Variants in TMPRSS5 observed in about 807,000 individuals in gnomAD.
TMPRSS5 encodes the protein transmembrane serine protease 5.
A neutral mutation model predicts 59.7 loss-of-function variants in TMPRSS5; 45 were observed. That is an observed-to-expected ratio of 0.75 (90% CI 0.59 to 0.97). The LOEUF (loss-of-function observed/expected upper bound fraction) is 0.97. Among genes scored for constraint, TMPRSS5 ranks in the 50% least tolerant of loss-of-function variants. The pLI, the probability that TMPRSS5 is intolerant of heterozygous loss-of-function variation, is 0.00. For missense variants in TMPRSS5, 585 were observed against 596.7 expected (o/e 0.98, Z 0.20); for synonymous variants, 225 against 232.0 (o/e 0.97, Z 0.27).
chr11:113,703,505 G>A (rs574181136), intron 1 of TMPRSS5, among the ~76,000 whole-genome samples: 127 of 152,296 alleles, frequency 8.3e-4, no homozygotes, highest in African/African-American at 3.0e-3. Flanking sequence ...AGACTTTGGG[G>A]GACTGTTGGA....
Position 113,698,886 on chromosome 11 carries a change from C to G in TMPRSS5, c.328+19G>C. ...CCCTGCTGGGGAGGGAGGCCCGTAG[C>G]CTTAGGGGTGCAGCCCACCTGTTTT... is the stretch of plus-strand genomic sequence containing the variant. On this transcript the variant is annotated intron_variant, in intron 4 of 12. Coordinates refer to ENST00000299882, the MANE Select transcript of TMPRSS5 (RefSeq NM_030770.4). 1.3e-6 allele frequency: 2 copies of G among 1,576,958 alleles called. No individual in the cohort carries two copies. The highest frequency in any genetic ancestry group is 1.7e-6 in the Non-Finnish European group (2 of 1,161,386).
chr11:113,704,109 G>A (rs907158830), intron 1 of TMPRSS5, among the ~76,000 whole-genome samples: 15 of 152,146 alleles, frequency 9.9e-5, no homozygotes, highest in African/African-American at 3.6e-4. Flanking sequence ...GATTGAATCA[G>A]CAAAGGCAAA....
At position 113,688,246 on chromosome 11, in the gene TMPRSS5, G is replaced by A; in HGVS notation, c.*14C>T. 1.9e-6 allele frequency: 3 copies of A among 1,579,068 alleles called. No homozygotes were observed. The highest frequency in any genetic ancestry group is 2.6e-6 in the Non-Finnish European group (3 of 1,162,520). On this transcript the variant is annotated 3_prime_UTR_variant, in exon 13 of 13. Transcript: ENST00000299882. ...GGCAGTGGTGTGCAGTGAGACTGGAGGAAACAGCAGGACTCAGAGGAGGGA... is the reference window on the plus strand; with the variant it reads ...GGCAGTGGTGTGCAGTGAGACTGGAAGAAACAGCAGGACTCAGAGGAGGGA...
At chr11:113,691,110 G>A in intron 9 of TMPRSS5, 171 bp from the exon 10 acceptor site, 1 of 612,860 alleles carries the variant, frequency 1.6e-6, no homozygotes, top group South Asian at 2.1e-5. Flanking sequence ...GTGGGGCACT[G>A]TCCCATCTTT....
intron 1 of TMPRSS5, among the ~76,000 whole-genome samples, chr11:113,704,068 A>G (rs1404190414): frequency 6.6e-6 from 1 of 152,216 alleles, no homozygotes; most frequent in Non-Finnish European, 1.5e-5. Flanking sequence ...TTGAGCTGAT[A>G]TAATGGGCAT....
chr11:113,695,030 C>T (rs543132088), intron 7 of TMPRSS5, among the ~76,000 whole-genome samples: 1 of 152,010 alleles, frequency 6.6e-6, no homozygotes, highest in East Asian at 1.9e-4. Flanking sequence ...GTACCTGATT[C>T]ACCACCTGCC....
chr11:113,692,567 G>C (rs1005010574), intron 9 of TMPRSS5, among the ~76,000 whole-genome samples: 2 of 152,160 alleles, frequency 1.3e-5, no homozygotes, highest in Non-Finnish European at 2.9e-5. Flanking sequence ...GAGGAGCCCT[G>C]GCATCAGGCT....
intron 1 of TMPRSS5, among the ~76,000 whole-genome samples, chr11:113,704,590 C>T (rs1299874089): frequency 6.6e-6 from 1 of 152,162 alleles, no homozygotes; most frequent in Non-Finnish European, 1.5e-5. Context: ...CACTGACATA[C>T]GTGCCATACT....
intron 9 of TMPRSS5, 61 bp from the exon 10 acceptor site, chr11:113,691,000 T>G: frequency 6.8e-7 from 1 of 1,479,398 alleles, no homozygotes; most frequent in Admixed American, 2.0e-5. Context: ...CTGCAGAGCC[T>G]GGGCGAAGGA....
chr11:113,703,449 A>C (rs1454169063), intron 1 of TMPRSS5, among the ~76,000 whole-genome samples: 2 of 152,198 alleles, frequency 1.3e-5, no homozygotes, highest in East Asian at 3.9e-4. Flanking sequence ...CTTGTCTCAA[A>C]TGAGACTTTG....
rs58784708 is a variant in TMPRSS5, at chr11:113,691,892, C to CT, written c.965-954dup. Among the ~76,000 whole-genome samples the CT allele has an allele frequency of 2.8e-3, 337 of 121,114 alleles. 19 individuals are homozygous for CT. In the East Asian group the frequency reaches 0.071, roughly 26 times the overall value. 79.5% of individuals were successfully genotyped at this position (121,114 alleles called of 152,430 possible). On this transcript the variant is annotated intron_variant, in intron 9 of 12. Transcript: ENST00000299882. Reference sequence around the variant, plus strand: ...AGAAAGTTTTCTTTTCCTTTTTTTTCTTTTTTTTTTTTTGAGACGGAGTCT... The same window carrying CT: ...AGAAAGTTTTCTTTTCCTTTTTTTTCTTTTTTTTTTTTTTGAGACGGAGTCT...
chr11:113,699,207 G>C lies in TMPRSS5; in HGVS notation c.206-180C>G, dbSNP rs112329824. 2.8e-3 allele frequency among the ~76,000 whole-genome samples: 130 copies of C among 46,344 alleles called. 9 individuals carry two copies. Among genetic ancestry groups the C allele is most frequent in the Middle Eastern group, 0.019 (1 of 54 alleles). The allele number at this position is 46,344 out of a possible 152,430, so 30.4% of individuals were successfully genotyped here. On this transcript the variant is annotated intron_variant, in intron 3 of 12. Coordinates refer to ENST00000299882, the MANE Select transcript of TMPRSS5 (RefSeq NM_030770.4). ...CTGCCTCTTTGACTCTCCTTTGTCT[G>C]TCTGTCTCTCTCTCTCTCTCTCTCT... is the stretch of plus-strand genomic sequence containing the variant.
chr11:113,706,247 A>T lies in TMPRSS5; in HGVS notation c.-23T>A. The T allele has an allele frequency of 6.2e-7, 1 of 1,600,746 alleles. No individual in the cohort carries two copies. The highest frequency in any genetic ancestry group is 1.3e-5 in the African/African-American group (1 of 74,710). On this transcript the variant is annotated 5_prime_UTR_variant, in exon 1 of 13. Transcript: ENST00000299882. The stretch of plus-strand genomic sequence containing the variant: ...CATAGGGGTCAGTGGCACTGTTGTA[A>T]AGCCTCAGGGTCTACTAGGCAATGT...
At position 113,699,673 on chromosome 11, in the gene TMPRSS5, G is replaced by A. The variant is rs771917263; in HGVS notation, c.127C>T (p.Arg43Cys). ...ACTGCACAGCCACGTCGCATGGAAC[G>A]CCAGCACACTGCCTGAGAAACTGTG... ...QHPISQAVCW[R>C]SMRRGCAVLG... Residue 43 changes from arginine to cysteine, a missense_variant, in exon 3 of 13, where the codon CGT becomes TGT. Transcript: ENST00000299882. 3.8e-5 allele frequency: 60 copies of A among 1,580,162 alleles called. No homozygotes were observed. Among genetic ancestry groups the A allele is most frequent in the African/African-American group, 1.6e-4 (12 of 74,176 alleles).
At chr11:113,689,396 C>A (rs946152746) in intron 12 of TMPRSS5, among the ~76,000 whole-genome samples, 9 of 152,004 alleles carry the variant, frequency 5.9e-5, no homozygotes, top group African/African-American at 2.2e-4. Context: ...TCACTCTAAG[C>A]CTAGCACTGT....
intron 3 of TMPRSS5, among the ~76,000 whole-genome samples, chr11:113,699,247 CTCTCTCTCTCTCT>C (rs1565263525): frequency 1.3e-4 from 11 of 86,956 alleles, no homozygotes; most frequent in East Asian, 7.6e-4. Context: ...CTCTCTCTCT[CTCTCTCTCTCTCT>C]CTCTCTCTCT....
chr11:113,701,402 AG>A (rs1182708769), intron 1 of TMPRSS5, among the ~76,000 whole-genome samples: 1 of 147,366 alleles, frequency 6.8e-6, no homozygotes, highest in East Asian at 2.0e-4. Flanking sequence ...ACTGAAGGAA[AG>A]GTGACTCTTG....
intron 4 of TMPRSS5, 151 bp downstream of exon 4, chr11:113,698,754 G>T: frequency 2.3e-6 from 2 of 885,946 alleles, no homozygotes; most frequent in Non-Finnish European, 1.7e-6. Flanking sequence ...ATCACTGCAA[G>T]GTGACACCTT....
At chr11:113,699,959 C>T (rs933213584) in intron 2 of TMPRSS5, 107 bp downstream of exon 2, 3 of 1,542,346 alleles carry the variant, frequency 1.9e-6, no homozygotes, top group Admixed American at 4.0e-5. Context: ...GACAGCCTCT[C>T]ACCATCAATC....
Sources: gnomAD v4.1 joint callset for allele counts (sites outside exome capture counted in the v4.1 genomes callset) on GRCh38, gnomAD v4.1.1 for gene constraint, MANE v1.5 for transcripts, NCBI Gene and HGNC (gene_info 2026-07-23, HGNC 2026-07-21) for gene names.